KLF7: variants seen among roughly 807,000 people sequenced by gnomAD.
The protein encoded by KLF7 is Krueppel-like factor 7.
A neutral mutation model predicts 27.3 loss-of-function variants in KLF7; 2 were observed. The ratio of observed to expected loss-of-function variants is 0.07; its 90% CI spans 0.03 to 0.23. The LOEUF (loss-of-function observed/expected upper bound fraction) is 0.23, where lower values mean the gene tolerates loss of function less well. KLF7 is among the 10% of genes least tolerant of loss of function. The pLI is 1.00. For synonymous variants in KLF7, 165 were observed against 162.4 expected (o/e 1.02, Z -0.12); for missense variants, 221 against 394.1 (o/e 0.56, Z 3.72).
In KLF7 at chr2:207,074,268, T is replaced by A. The variant is rs545213952; in HGVS notation, c.*6945A>T. On this transcript the variant is annotated 3_prime_UTR_variant, in exon 4 of 4. Transcript: ENST00000309446. ...AAAGCTTGACTACTGCTGTGTCCCA[T>A]GTGACAAATGTGTTTTACTGCTGTT... 1.2e-4 allele frequency: 19 copies of A among 152,296 alleles called. No individual in the cohort carries two copies. The highest frequency in any genetic ancestry group is 1.2e-3 in the Admixed American group (18 of 15,290). The allele number at this position is 152,296 out of a possible 1,614,324, so 9.4% of individuals were successfully genotyped here.
At chr2:207,153,320 T>TG (rs1325810925) in intron 1 of KLF7, among the ~76,000 whole-genome samples, 1 of 152,092 alleles carries the variant, frequency 6.6e-6, no homozygotes, top group Non-Finnish European at 1.5e-5. Flanking sequence ...TAGTGAGAAC[T>TG]GGGGGAAGAA....
At chr2:207,170,742 T>C (rs933076957), upstream of KLF7, among the ~76,000 whole-genome samples, 2 of 152,120 alleles carry the variant, frequency 1.3e-5, no homozygotes, top group African/African-American at 2.4e-5. Flanking sequence ...GGTTTACTAA[T>C]ATTTTAAGCT....
At chr2:207,084,297 A>G (rs2076339348) in intron 3 of KLF7, among the ~76,000 whole-genome samples, 1 of 152,148 alleles carries the variant, frequency 6.6e-6, no homozygotes, top group African/African-American at 2.4e-5. Flanking sequence ...AACTCTCGGG[A>G]AATGAGTATT....
At chr2:207,128,815 G>A (rs2077547617) in intron 1 of KLF7, among the ~76,000 whole-genome samples, 1 of 152,144 alleles carries the variant, frequency 6.6e-6, no homozygotes, top group Admixed American at 6.5e-5. Context: ...TAAGTGCTGG[G>A]TCACAAAGAA....
chr2:207,100,514 G>A (rs538242831), intron 2 of KLF7, among the ~76,000 whole-genome samples: 150 of 152,148 alleles, frequency 9.9e-4, no homozygotes, highest in African/African-American at 3.4e-3. Flanking sequence ...TGTACACAAA[G>A]CCATGTCACT....
chr2:207,101,919 T>G (rs1461897226), intron 2 of KLF7, among the ~76,000 whole-genome samples: 2 of 152,126 alleles, frequency 1.3e-5, no homozygotes, highest in African/African-American at 4.8e-5. Flanking sequence ...ACCTTAGTAT[T>G]CCCAAGACTT....
In KLF7 at chr2:207,079,656, G is replaced by A. The variant is rs527735227; in HGVS notation, c.*1557C>T. ...TGTGTGAGTGTGGCATGACAAGTAA[G>A]GACTGTAGACTCCTTTGGAGTCAGC... On this transcript the variant is annotated 3_prime_UTR_variant, in exon 4 of 4. Transcript: ENST00000309446. 5 of 152,264 alleles carry A rather than the reference G, an allele frequency of 3.3e-5. No individual in the cohort carries two copies. The highest frequency in any genetic ancestry group is 1.2e-4 in the African/African-American group (5 of 41,536). The allele number at this position is 152,264 out of a possible 1,614,324, so 9.4% of individuals were successfully genotyped here.
intron 2 of KLF7, among the ~76,000 whole-genome samples, chr2:207,103,779 A>G (rs1394714393): frequency 2.0e-5 from 3 of 152,242 alleles, no homozygotes; most frequent in African/African-American, 4.8e-5. Context: ...TCTTCAGCAC[A>G]GCCCTCGCAG....
At chr2:207,173,381 A>C in the KLF7 span, among the ~76,000 whole-genome samples, 2 of 152,212 alleles carry the variant, frequency 1.3e-5, no homozygotes, top group East Asian at 3.8e-4. Context: ...TTGTCAATGC[A>C]AACATCCAAA....
chr2:207,163,524 G>A lies in KLF7; in HGVS notation c.102+1943C>T, dbSNP rs145979584. Among the ~76,000 whole-genome samples, 512 of 152,306 alleles carry A rather than the reference G, an allele frequency of 3.4e-3. 5 individuals are homozygous for A. Among genetic ancestry groups the A allele is most frequent in the African/African-American group, 0.012 (479 of 41,566 alleles). ...ATGTTTCTTTGCAGATCTAGAGTTT[G>A]TCCTGGATGGTCTAGCCAGATCTAG... On this transcript the variant is annotated intron_variant, in intron 1 of 3. Coordinates refer to ENST00000309446, the MANE Select transcript of KLF7 (RefSeq NM_003709.4).
chr2:207,088,257 C>T (rs1008597400), intron 3 of KLF7, among the ~76,000 whole-genome samples: 1 of 152,122 alleles, frequency 6.6e-6, no homozygotes, highest in Non-Finnish European at 1.5e-5. Context: ...GTAACTGAAC[C>T]AAGAATTCAC....
intron 1 of KLF7, among the ~76,000 whole-genome samples, chr2:207,124,844 C>T (rs545019960): frequency 6.6e-6 from 1 of 152,196 alleles, no homozygotes; most frequent in Non-Finnish European, 1.5e-5. Context: ...GACTTGAGCA[C>T]ATCACACAAG....
Position 207,165,789 on chromosome 2 carries a change from G to C in KLF7, c.-221C>G. On this transcript the variant is annotated 5_prime_UTR_variant, in exon 1 of 4. Coordinates refer to ENST00000309446, the MANE Select transcript of KLF7 (RefSeq NM_003709.4). ...CGAGTGAGTGGGGTGGATGGAGAGA[G>C]GCATCCAGCGTGTACAGTGCAGACG... 7.0e-7 allele frequency: 1 copy of C among 1,426,680 alleles called. No individual in the cohort carries two copies. Among genetic ancestry groups the C allele is most frequent in the Non-Finnish European group, 9.1e-7 (1 of 1,095,762 alleles). 88.4% of individuals were successfully genotyped at this position (1,426,680 alleles called of 1,614,324 possible).
chr2:207,088,628 G>A (rs200444243), intron 2 of KLF7, 47 bp from the exon 3 acceptor site: 85 of 1,595,470 alleles, frequency 5.3e-5, no homozygotes, highest in Non-Finnish European at 6.7e-5. Context: ...GGAACAAAAG[G>A]GATTACACCC....
chr2:207,125,153 A>C (rs755305173), intron 1 of KLF7, among the ~76,000 whole-genome samples: 3 of 152,242 alleles, frequency 2.0e-5, no homozygotes, highest in Non-Finnish European at 4.4e-5. Flanking sequence ...ATTCAAACAT[A>C]GCTATTTAGA....
At chr2:207,169,946 G>A (rs1049386390), upstream of KLF7, among the ~76,000 whole-genome samples, 2 of 152,012 alleles carry the variant, frequency 1.3e-5, no homozygotes, top group African/African-American at 4.8e-5. Flanking sequence ...AATTAGGCCA[G>A]TTAATATCCC....
chr2:207,161,967 T>G (rs1476905534), intron 1 of KLF7, among the ~76,000 whole-genome samples: 1 of 151,936 alleles, frequency 6.6e-6, no homozygotes, highest in East Asian at 1.9e-4. Context: ...CATAAGACTT[T>G]TCAAGCAAAC....
At chr2:207,110,647 A>G (rs186324116) in intron 2 of KLF7, among the ~76,000 whole-genome samples, 174 of 152,366 alleles carry the variant, frequency 1.1e-3, no homozygotes, top group Non-Finnish European at 1.9e-3. Context: ...AAGAGTCACA[A>G]TCACGAATCT....
At chr2:207,170,212 G>A (rs1467925362), upstream of KLF7, among the ~76,000 whole-genome samples, 1 of 152,164 alleles carries the variant, frequency 6.6e-6, no homozygotes, top group Non-Finnish European at 1.5e-5. Context: ...ACGTTTTAGT[G>A]GTGTGGATGG....
Sources: gnomAD v4.1 joint callset for allele counts (sites outside exome capture counted in the v4.1 genomes callset) on GRCh38, gnomAD v4.1.1 for gene constraint, MANE v1.5 for transcripts, NCBI Gene and HGNC (gene_info 2026-07-23, HGNC 2026-07-21) for gene names.